GLI3: variants seen among roughly 807,000 people sequenced by gnomAD.
GLI3 encodes the protein GLI family zinc finger 3.
GLI3 carries 20 observed loss-of-function variants against 100.8 expected under a neutral mutation model. The observed-to-expected ratio is 0.20, with a 90% CI of 0.14 to 0.29. GLI3 has a LOEUF of 0.29. Among genes scored for constraint, GLI3 ranks in the 10% least tolerant of loss-of-function variants. GLI3 has a pLI of 1.00. For synonymous variants in GLI3, 938 were observed against 860.5 expected (o/e 1.09, Z -1.58); for missense variants, 2,040 against 2,128.5 (o/e 0.96, Z 0.82).
At chr7:42,015,308 G>A (rs963162979) in intron 10 of GLI3, among the ~76,000 whole-genome samples, 6 of 152,180 alleles carry the variant, frequency 3.9e-5, no homozygotes, top group African/African-American at 7.2e-5. Context: ...GTGGGGTCGG[G>A]TGGAGTTGGT....
At chr7:42,094,607 A>G (rs1785297816) in intron 3 of GLI3, among the ~76,000 whole-genome samples, 1 of 151,626 alleles carries the variant, frequency 6.6e-6, no homozygotes, top group African/African-American at 2.4e-5. Flanking sequence ...GGTGGTGGGC[A>G]CCTGTAATCC....
chr7:41,974,935 AG>A (rs1207278558), intron 12 of GLI3, among the ~76,000 whole-genome samples: 3 of 152,214 alleles, frequency 2.0e-5, no homozygotes. Context: ...TGGTCATGAT[AG>A]TGAGAGGTCA....
intron 3 of GLI3, among the ~76,000 whole-genome samples, chr7:42,091,102 G>A (rs846308): frequency 0.26 from 40,131 of 152,156 alleles, 5,687 homozygotes; most frequent in Admixed American, 0.37. Context: ...CGCAGTAGCC[G>A]TCTTGAAATT....
chr7:42,025,129 G>C (rs769264390), intron 9 of GLI3, 135 bp downstream of exon 9: 5 of 666,728 alleles, frequency 7.5e-6, no homozygotes, highest in South Asian at 1.7e-5. Flanking sequence ...TGTAGAGTAC[G>C]GCCAAGGTCA....
intron 2 of GLI3, chr7:42,152,343 C>T (rs1405908677): frequency 1.2e-5 from 11 of 955,164 alleles, no homozygotes; most frequent in Non-Finnish European, 1.4e-5. Context: ...AGAGAACAGA[C>T]AATACTTACA....
intron 10 of GLI3, among the ~76,000 whole-genome samples, chr7:41,981,865 T>C (rs534108164): frequency 6.6e-6 from 1 of 152,274 alleles, no homozygotes; most frequent in Admixed American, 6.5e-5. Context: ...AAAATCCCAA[T>C]CATTTCCTAT....
chr7:42,141,450 T>A (rs1277186034), intron 3 of GLI3, among the ~76,000 whole-genome samples: 2 of 152,110 alleles, frequency 1.3e-5, no homozygotes, highest in Non-Finnish European at 2.9e-5. Context: ...GGCGGACGGA[T>A]CACCTGAGGT....
intron 3 of GLI3, among the ~76,000 whole-genome samples, chr7:42,092,806 T>TTTATTTATTTATTTATTTAC (rs1289166827): frequency 2.8e-5 from 4 of 141,950 alleles, no homozygotes; most frequent in African/African-American, 1.0e-4. Context: ...TATTTATTTA[T>TTTATTTATTTATTTATTTAC]TTATTTATGT....
chr7:42,195,019 G>C (rs1220988278), intron 2 of GLI3, among the ~76,000 whole-genome samples: 1 of 151,786 alleles, frequency 6.6e-6, no homozygotes, highest in African/African-American at 2.4e-5. Context: ...TGCCCACCTC[G>C]GCCTCCCAAA....
At chr7:42,218,550 G>A (rs970389060) in intron 2 of GLI3, among the ~76,000 whole-genome samples, 4 of 149,426 alleles carry the variant, frequency 2.7e-5, no homozygotes, top group Non-Finnish European at 4.5e-5. Flanking sequence ...GTGACCAAAA[G>A]TTAAAGCAAA....
upstream of GLI3, among the ~76,000 whole-genome samples, chr7:42,241,858 G>T (rs1316190471): frequency 1.3e-5 from 2 of 152,162 alleles, no homozygotes; most frequent in African/African-American, 4.8e-5. Context: ...ATCCTTGCCT[G>T]CTCTTCTGGA....
At chr7:42,015,851 A>T (rs1788745124) in intron 10 of GLI3, among the ~76,000 whole-genome samples, 1 of 152,154 alleles carries the variant, frequency 6.6e-6, no homozygotes, top group Non-Finnish European at 1.5e-5. Context: ...AGAACATTTA[A>T]ACAGGAGAAA....
At chr7:42,056,035 G>A (rs777432241) in intron 4 of GLI3, among the ~76,000 whole-genome samples, 11 of 151,968 alleles carry the variant, frequency 7.2e-5, no homozygotes, top group African/African-American at 1.2e-4. Flanking sequence ...TTCCCTGCAC[G>A]GGCTCTCTCC....
intron 3 of GLI3, among the ~76,000 whole-genome samples, chr7:42,082,495 C>T (rs1785017003): frequency 6.6e-6 from 1 of 152,032 alleles, no homozygotes; most frequent in Admixed American, 6.5e-5. Context: ...CAGTCTGTGG[C>T]CCACCATGAT....
chr7:42,000,458 C>A (rs1788254524), intron 10 of GLI3, among the ~76,000 whole-genome samples: 1 of 152,116 alleles, frequency 6.6e-6, no homozygotes, highest in Non-Finnish European at 1.5e-5. Context: ...TTTTTGTACA[C>A]CTTGCACACA....
chr7:42,040,210 C>G lies in GLI3; in HGVS notation c.856G>C (p.Ala286Pro). The G allele has an allele frequency of 6.2e-7, 1 of 1,613,922 alleles. No individual in the cohort carries two copies. The highest frequency in any genetic ancestry group is 8.5e-7 in the Non-Finnish European group (1 of 1,179,828). Reference protein sequence around the residue: ...STRFSSPRLSARPSRKRTLSI... With the variant: ...STRFSSPRLSPRPSRKRTLSI... Reference sequence around the variant, plus strand: ...AGTGTACGTTTTCGGCTCGGCCTGGCTGACAGCCTGGGGCTGGAGAATCTG... The same window carrying G: ...AGTGTACGTTTTCGGCTCGGCCTGGGTGACAGCCTGGGGCTGGAGAATCTG... The change falls in exon 7 of 15, where the codon GCC (alanine) becomes CCC (proline). Residue 286 changes from alanine (A) to proline (P), a missense_variant. Ala to Pro is a conservative substitution (Grantham distance 27). This residue lies in a region of GLI3 where 603 missense variants were observed against 690.9 expected (regional missense o/e 0.87). Transcript: ENST00000395925.
In GLI3 at chr7:42,037,158, A is replaced by T. The variant is rs143604403; in HGVS notation, c.1028+2880T>A. Among the ~76,000 whole-genome samples, 138 of 152,268 alleles carry T rather than the reference A, an allele frequency of 9.1e-4. 3 individuals carry two copies. The highest frequency in any genetic ancestry group is 3.2e-3 in the African/African-American group (131 of 41,572). On this transcript the variant is annotated intron_variant, in intron 7 of 14. Transcript: ENST00000395925. ...TCTGTCTCAAAAAAAAATAATAATAATAATAACACCACTTGCTTTGCCAAA... is the reference window on the plus strand; with the variant it reads ...TCTGTCTCAAAAAAAAATAATAATATTAATAACACCACTTGCTTTGCCAAA...
intron 2 of GLI3, among the ~76,000 whole-genome samples, chr7:42,155,356 T>C (rs1020571857): frequency 1.3e-5 from 2 of 151,674 alleles, no homozygotes; most frequent in Non-Finnish European, 2.9e-5. Context: ...GGAGAATCGC[T>C]TGAACCCAGG....
chr7:42,084,191 C>T (rs1003567430), intron 3 of GLI3, among the ~76,000 whole-genome samples: 5 of 152,174 alleles, frequency 3.3e-5, no homozygotes, highest in Non-Finnish European at 7.3e-5. Flanking sequence ...TACACTCTGG[C>T]CACACCCACA....
Sources: gnomAD v4.1 joint callset for allele counts (sites outside exome capture counted in the v4.1 genomes callset) on GRCh38, gnomAD v4.1.1 for gene constraint, gnomAD v4.1.1 regional missense constraint, MANE v1.5 for transcripts, NCBI Gene and HGNC (gene_info 2026-07-23, HGNC 2026-07-21) for gene names.